OOSP3: variants seen among roughly 807,000 people sequenced by gnomAD.
OOSP3 encodes oocyte secreted protein family member 3, also known as oocyte-secreted protein 3.
chr11:59,883,875 A>T (rs190596446), intron 2 of OOSP3, among the ~76,000 whole-genome samples: 2 of 152,342 alleles, frequency 1.3e-5, no homozygotes, highest in African/African-American at 4.8e-5. Context: ...GACACTGCAA[A>T]CTTAGCTACT....
chr11:59,880,609 T>C (rs985724634), intron 2 of OOSP3, among the ~76,000 whole-genome samples, 170 bp downstream of exon 2: 7 of 152,202 alleles, frequency 4.6e-5, no homozygotes, highest in Admixed American at 3.3e-4. Flanking sequence ...TAAAATATCA[T>C]GGCACATAGC....
chr11:59,884,471 GTCTGTCTCTCTCTC>G (rs1181563247), intron 2 of OOSP3, among the ~76,000 whole-genome samples: 28 of 100,126 alleles, frequency 2.8e-4, no homozygotes, highest in East Asian at 5.3e-4. Context: ...CTGTCTGTCT[GTCTGTCTCTCTCTC>G]TCTCTCTCTC....
chr11:59,890,204 C>T (rs1853298410), intron 2 of OOSP3, among the ~76,000 whole-genome samples: 1 of 152,140 alleles, frequency 6.6e-6, no homozygotes, highest in Non-Finnish European at 1.5e-5. Flanking sequence ...GAATACAGCA[C>T]ACCAATGAAT....
intron 2 of OOSP3, among the ~76,000 whole-genome samples, chr11:59,882,411 C>T (rs941410538): frequency 6.6e-6 from 1 of 152,172 alleles, no homozygotes. Flanking sequence ...CCATAGTATA[C>T]AAAAGCAATG....
chr11:59,893,880 G>A (rs554398446), intron 2 of OOSP3, among the ~76,000 whole-genome samples, 199 bp from the exon 3 acceptor site: 4 of 152,226 alleles, frequency 2.6e-5, no homozygotes, highest in African/African-American at 9.6e-5. Context: ...TTAACTGATT[G>A]CACTGATGAT....
At chr11:59,885,173 G>C (rs1005154632) in intron 2 of OOSP3, among the ~76,000 whole-genome samples, 1 of 152,102 alleles carries the variant, frequency 6.6e-6, no homozygotes, top group Non-Finnish European at 1.5e-5. Context: ...GTATTACATT[G>C]ATTTTTGTAT....
chr11:59,881,234 G>A, intron 2 of OOSP3, among the ~76,000 whole-genome samples: 1 of 152,006 alleles, frequency 6.6e-6, no homozygotes, highest in African/African-American at 2.4e-5. Flanking sequence ...ATGGTGGCAT[G>A]TGCCTGTCCA....
intron 2 of OOSP3, among the ~76,000 whole-genome samples, chr11:59,889,975 CATATAT>C (rs1853295877): frequency 6.6e-6 from 1 of 152,146 alleles, no homozygotes; most frequent in Non-Finnish European, 1.5e-5. Context: ...GTGTTGGGTT[CATATAT>C]ATTTAGGATA....
At chr11:59,882,301 C>G (rs1328700806) in intron 2 of OOSP3, among the ~76,000 whole-genome samples, 1 of 151,782 alleles carries the variant, frequency 6.6e-6, no homozygotes. Context: ...AAAACCATTT[C>G]TAAAGTTTTC....
At chr11:59,879,348 A>T (rs973932898) in intron 1 of OOSP3, among the ~76,000 whole-genome samples, 2 of 152,168 alleles carry the variant, frequency 1.3e-5, no homozygotes, top group Non-Finnish European at 2.9e-5. Context: ...TCCCTAAGTC[A>T]TAAAGTTGTT....
Position 59,890,960 on chromosome 11 carries a change from TTTTG to T in OOSP3, c.253-3115_253-3112del, listed in dbSNP as rs145774075. ...TTCCATAGTCCATAGTTCTCAGAAG[TTTTG>T]TTTATTTCTTTTCATTCTTTTTTCT... On this transcript the variant is annotated intron_variant, in intron 2 of 4. Transcript: ENST00000646438. Among the ~76,000 whole-genome samples, 828 of 152,234 alleles carry T rather than the reference TTTTG, an allele frequency of 5.4e-3. 6 individuals are homozygous for T. The highest frequency in any genetic ancestry group is 0.018 in the African/African-American group (743 of 41,532).
At chr11:59,887,489 G>T (rs1468675860) in intron 2 of OOSP3, among the ~76,000 whole-genome samples, 3 of 152,112 alleles carry the variant, frequency 2.0e-5, no homozygotes, top group African/African-American at 7.2e-5. Flanking sequence ...TGTAAGGAAG[G>T]GATCCAGTTT....
At chr11:59,879,527 A>C (rs890745869) in intron 1 of OOSP3, among the ~76,000 whole-genome samples, 1 of 151,992 alleles carries the variant, frequency 6.6e-6, no homozygotes, top group Non-Finnish European at 1.5e-5. Flanking sequence ...TTTTTAAACC[A>C]TGAAAATACA....
chr11:59,884,054 A>G (rs758461757), intron 2 of OOSP3, among the ~76,000 whole-genome samples: 2 of 152,210 alleles, frequency 1.3e-5, no homozygotes, highest in African/African-American at 2.4e-5. Flanking sequence ...AATATAAAAC[A>G]TTTCTAATAT....
chr11:59,889,042 G>A (rs1438361596), intron 2 of OOSP3, among the ~76,000 whole-genome samples: 2 of 152,116 alleles, frequency 1.3e-5, no homozygotes, highest in African/African-American at 4.8e-5. Flanking sequence ...GAGTGTACGT[G>A]TCCTGGAGTT....
At chr11:59,894,445 G>A (rs935102586) in intron 3 of OOSP3, among the ~76,000 whole-genome samples, 1 of 152,114 alleles carries the variant, frequency 6.6e-6, no homozygotes, top group African/African-American at 2.4e-5. Context: ...ACTGGGCTTG[G>A]AAATTTAACA....
intron 1 of OOSP3, among the ~76,000 whole-genome samples, chr11:59,879,395 A>G (rs1019834949): frequency 1.3e-5 from 2 of 152,094 alleles, no homozygotes; most frequent in Admixed American, 6.5e-5. Context: ...CATTCCACTT[A>G]CTTTTTCCAT....
chr11:59,880,350 T>C (rs1181358676), exon 2 of OOSP3: 1 of 398,466 alleles, frequency 2.5e-6, no homozygotes, highest in African/African-American at 2.1e-5. Context: ...TGATGAAGCA[T>C]CTCTGGGAAC....
At chr11:59,891,172 T>C (rs968363322) in intron 2 of OOSP3, among the ~76,000 whole-genome samples, 5 of 152,228 alleles carry the variant, frequency 3.3e-5, no homozygotes, top group African/African-American at 1.2e-4. Flanking sequence ...TAACAGCTCT[T>C]GTAATCTTTT....
Sources: allele counts gnomAD v4.1 joint callset (sites outside exome capture counted in the v4.1 genomes callset), GRCh38; gene constraint gnomAD v4.1.1; transcripts MANE v1.5; gene names NCBI Gene and HGNC (gene_info 2026-07-23, HGNC 2026-07-21).